The following WBP4 variants were observed in gnomAD, a reference collection of about 807,000 sequenced individuals.
WBP4 encodes the protein WW domain binding protein 4.
WBP4 carries 37 observed loss-of-function variants against 55.4 expected under a neutral mutation model. That is an observed-to-expected ratio of 0.67 (90% CI 0.51 to 0.88). WBP4 has a LOEUF of 0.88. Ranked by LOEUF, WBP4 falls within the 40% of genes least tolerant of loss-of-function variation. The probability of loss-of-function intolerance (pLI) is 0.00; values close to 1 mark genes in which losing one functional copy is unlikely to be tolerated. For synonymous variants in WBP4, 142 were observed against 140.2 expected, an observed-to-expected ratio of 1.01 and a Z score of -0.09; for missense variants, 398 against 420.8, an observed-to-expected ratio of 0.95 and a Z score of 0.47.
At chr13:41,073,513 CAA>C (rs147840333) in intron 7 of WBP4, among the ~76,000 whole-genome samples, 23 of 112,120 alleles carry the variant, frequency 2.1e-4, no homozygotes, top group Admixed American at 1.9e-4. Context: ...AACTCTGTCT[CAA>C]AAAAAAAAAA....
intron 6 of WBP4, 61 bp downstream of exon 6, chr13:41,071,634 T>A: frequency 6.7e-7 from 1 of 1,490,628 alleles, no homozygotes; most frequent in Non-Finnish European, 9.2e-7. Flanking sequence ...GTTTCTTAGG[T>A]TTTTGTAGAG....
rs143085679 is a variant in WBP4, at chr13:41,067,410, G to A, written c.263-1151G>A. ...AGTAAATGTTAATTGGCCAGGTGCCGTGGCTCATGCCTGTAATCCCAGCAG... is the reference window on the plus strand; with the variant it reads ...AGTAAATGTTAATTGGCCAGGTGCCATGGCTCATGCCTGTAATCCCAGCAG... On this transcript the variant is annotated intron_variant, in intron 4 of 9. Transcript: ENST00000379487. Among the ~76,000 whole-genome samples, 447 of 152,314 alleles carry A rather than the reference G, an allele frequency of 2.9e-3. 2 individuals are homozygous for A. The highest frequency in any genetic ancestry group is 4.9e-3 in the African/African-American group (205 of 41,556).
chr13:41,071,832 G>A (rs1878259227), intron 6 of WBP4, among the ~76,000 whole-genome samples: 1 of 151,994 alleles, frequency 6.6e-6, no homozygotes, highest in Admixed American at 6.6e-5. Flanking sequence ...CACAAGGTCA[G>A]GAGTTAAAGA....
intron 4 of WBP4, among the ~76,000 whole-genome samples, chr13:41,067,094 TC>T (rs1312653460): frequency 2.0e-5 from 3 of 152,082 alleles, no homozygotes; most frequent in African/African-American, 7.2e-5. Context: ...GCTCCAGTGA[TC>T]CTCCCACCTC....
chr13:41,065,113 G>A, intron 3 of WBP4, 35 bp downstream of exon 3: 1 of 1,600,750 alleles, frequency 6.2e-7, no homozygotes, highest in Non-Finnish European at 8.5e-7. Flanking sequence ...ATTTTTCTAT[G>A]CAAATGTCAG....
chr13:41,078,776 A>G (rs1193191741), intron 8 of WBP4, among the ~76,000 whole-genome samples: 3 of 152,034 alleles, frequency 2.0e-5, no homozygotes, highest in Admixed American at 6.6e-5. Context: ...GCAGTGAGCT[A>G]AGATCGTGCC....
chr13:41,080,628 T>C lies in WBP4; in HGVS notation c.757-18T>C, dbSNP rs904935188. 1 of 1,568,920 alleles carries C rather than the reference T, an allele frequency of 6.4e-7. No individual in the cohort carries two copies. ...AGTTTTGCTTGAACTGTATTATTTC[T>C]TGGCTTTTACATTTCAGGAAAAAAA... is the stretch of plus-strand genomic sequence containing the variant. On this transcript the variant is annotated intron_variant, in intron 8 of 9. Coordinates refer to ENST00000379487, the MANE Select transcript of WBP4 (RefSeq NM_007187.5).
chr13:41,067,354 A>G (rs1878019382), intron 4 of WBP4, among the ~76,000 whole-genome samples: 1 of 152,244 alleles, frequency 6.6e-6, no homozygotes, highest in Admixed American at 6.5e-5. Context: ...CTGCAAAACA[A>G]CAACAAAACA....
At chr13:41,062,587 G>A (rs1000213153) in intron 1 of WBP4, 57 bp from the exon 2 acceptor site, 15 of 1,518,350 alleles carry the variant, frequency 9.9e-6, no homozygotes, top group African/African-American at 6.9e-5. Flanking sequence ...AAAGCATGCA[G>A]AATTTAACCT....
rs1877873200 is a variant in WBP4, at chr13:41,064,823, CATA to C, written c.76-185_76-183del. 2.6e-5 allele frequency among the ~76,000 whole-genome samples: 4 copies of C among 152,182 alleles called. No homozygotes were observed. In the South Asian group the frequency reaches 8.3e-4, roughly 32 times the overall value. On this transcript the variant is annotated intron_variant, in intron 2 of 9. Transcript: ENST00000379487. ...AACCAAAGGAAACCTAGTCAGAGGA[CATA>C]ATAATAAACAATGTAGTTCCCTAGC... is the stretch of plus-strand genomic sequence containing the variant.
chr13:41,064,991 G>C, intron 2 of WBP4, 25 bp from the exon 3 acceptor site: 1 of 1,529,690 alleles, frequency 6.5e-7, no homozygotes, highest in Middle Eastern at 1.8e-4. Flanking sequence ...GTTTTCTTTT[G>C]TTATTTTCTC....
rs76269873 is a variant in WBP4 at position 41,074,444 on chromosome 13, G to T, written c.562+1587G>T. ...ATTTAGCCTGCCCAGTTATAGCAATGTTTATATTCCAGTACAATTGAAGGT... is the reference window on the plus strand; with the variant it reads ...ATTTAGCCTGCCCAGTTATAGCAATTTTTATATTCCAGTACAATTGAAGGT... On this transcript the variant is annotated intron_variant, in intron 7 of 9. Transcript: ENST00000379487. Among the ~76,000 whole-genome samples the T allele has an allele frequency of 3.2e-3, 488 of 152,164 alleles. 2 individuals are homozygous for T. Among genetic ancestry groups the T allele is most frequent in the African/African-American group, 0.011 (472 of 41,486 alleles).
Position 41,082,815 on chromosome 13 carries a change from T to C in WBP4, c.1032T>C (p.Ser344=). ...KVVFKEKTVT[S]LGVMADGVAP... The stretch of plus-strand genomic sequence containing the variant: ...TATTTAAAGAAAAAACAGTCACTTC[T>C]CTTGGAGTTATGGCAGATGGAGTGG... Residue 344 remains serine, a synonymous_variant, in exon 10 of 10, where the codon TCT becomes TCC. Coordinates refer to ENST00000379487, the MANE Select transcript of WBP4 (RefSeq NM_007187.5). The C allele has an allele frequency of 6.2e-7, 1 of 1,614,146 alleles. No homozygotes were observed. The highest frequency in any genetic ancestry group is 8.5e-7 in the Non-Finnish European group (1 of 1,180,024).
chr13:41,074,855 C>T (rs896085007), intron 7 of WBP4, among the ~76,000 whole-genome samples: 17 of 152,002 alleles, frequency 1.1e-4, no homozygotes, highest in African/African-American at 3.6e-4. Flanking sequence ...CCTAGCTGGG[C>T]GTGGTGGCGC....
intron 4 of WBP4, 130 bp from the exon 5 acceptor site, chr13:41,068,431 T>C: frequency 1.2e-6 from 1 of 823,380 alleles, no homozygotes; most frequent in African/African-American, 1.8e-5. Flanking sequence ...GAATGAACTT[T>C]ATAATAATGT....
chr13:41,065,119 G>A, intron 3 of WBP4, 41 bp downstream of exon 3: 3 of 1,601,584 alleles, frequency 1.9e-6, no homozygotes, highest in Non-Finnish European at 1.7e-6. Context: ...CTATGCAAAT[G>A]TCAGTCCTTT....
intron 7 of WBP4, among the ~76,000 whole-genome samples, chr13:41,075,818 T>C (rs187098260): frequency 9.5e-4 from 144 of 152,328 alleles, no homozygotes; most frequent in Middle Eastern, 3.4e-3. Flanking sequence ...TCTCATTCCA[T>C]TGGAGTTATA....
intron 8 of WBP4, among the ~76,000 whole-genome samples, chr13:41,080,368 GAGA>G (rs1878716152): frequency 6.6e-6 from 1 of 152,150 alleles, no homozygotes; most frequent in African/African-American, 2.4e-5. Context: ...AAGCAGAAGA[GAGA>G]AGTTAAGAGA....
At chr13:41,075,736 T>G (rs1308772018) in intron 7 of WBP4, among the ~76,000 whole-genome samples, 1 of 152,210 alleles carries the variant, frequency 6.6e-6, no homozygotes, top group Admixed American at 6.5e-5. Flanking sequence ...GTTTGCTCAT[T>G]ATCAATACGT....
Sources: allele counts gnomAD v4.1 joint callset (sites outside exome capture counted in the v4.1 genomes callset), GRCh38; gene constraint gnomAD v4.1.1; transcripts MANE v1.5; gene names NCBI Gene and HGNC (gene_info 2026-07-23, HGNC 2026-07-21).